Variants in DNAJC6 observed in about 807,000 individuals in gnomAD.
DNAJC6 encodes the protein DnaJ heat shock protein family (Hsp40) member C6, also known as auxilin.
DNAJC6 carries 34 observed loss-of-function variants against 110.0 expected under a neutral mutation model. The ratio of observed to expected loss-of-function variants is 0.31; its 90% confidence interval spans 0.24 to 0.41. The LOEUF is 0.41. Among genes scored for constraint, DNAJC6 ranks in the 10% least tolerant of loss-of-function variants. DNAJC6 has a pLI of 1.00. For missense variants in DNAJC6, 1,031 were observed against 1,207.8 expected, an observed-to-expected ratio of 0.85 and a Z score of 2.17; for synonymous variants, 406 against 437.2, an observed-to-expected ratio of 0.93 and a Z score of 0.89.
chr1:65,406,903 A>C lies in DNAJC6; in HGVS notation c.2491+770A>C, dbSNP rs1231883364. ...GCCTTTCTCTCTATGGAACATGGAA[A>C]GGCAATTCTTATGCTCTTCCTAATA... is the stretch of plus-strand genomic sequence containing the variant. On this transcript the variant is annotated intron_variant, in intron 16 of 18. Coordinates refer to ENST00000371069, the MANE Select transcript of DNAJC6 (RefSeq NM_001256864.2). Among the ~76,000 whole-genome samples, 4 of 152,194 alleles carry C rather than the reference A, an allele frequency of 2.6e-5. No homozygotes were observed. In the East Asian group the frequency reaches 7.7e-4, roughly 29 times the overall value.
At chr1:65,317,177 A>G (rs1394018307) in intron 1 of DNAJC6, among the ~76,000 whole-genome samples, 1 of 152,256 alleles carries the variant, frequency 6.6e-6, no homozygotes, top group African/African-American at 2.4e-5. Context: ...TCCTTTTGGA[A>G]AAAAGCTATG....
intron 1 of DNAJC6, among the ~76,000 whole-genome samples, chr1:65,358,159 A>T (rs1645561955): frequency 7.4e-6 from 1 of 135,688 alleles, no homozygotes; most frequent in Non-Finnish European, 1.5e-5. Context: ...GGCCTGGGCG[A>T]TAGAGCGAGA....
At chr1:65,302,254 A>C (rs1557508232) in intron 1 of DNAJC6, among the ~76,000 whole-genome samples, 2 of 21,226 alleles carry the variant, frequency 9.4e-5, no homozygotes, top group African/African-American at 5.0e-4. Context: ...TTAATATATA[A>C]TATTATATAT....
At chr1:65,389,750 C>T (rs1472361572) in intron 11 of DNAJC6, 123 bp downstream of exon 11, 5 of 1,028,478 alleles carry the variant, frequency 4.9e-6, no homozygotes, top group South Asian at 3.0e-5. Context: ...TCCAGGCACA[C>T]GGACTCCCAC....
At chr1:65,297,080 C>A in intron 1 of DNAJC6, among the ~76,000 whole-genome samples, 1 of 152,150 alleles carries the variant, frequency 6.6e-6, no homozygotes, top group East Asian at 1.9e-4. Flanking sequence ...AAAATGATAT[C>A]AAACGTGGTT....
chr1:65,389,515 C>T, intron 10 of DNAJC6, 32 bp from the exon 11 acceptor site: 1 of 1,613,832 alleles, frequency 6.2e-7, no homozygotes, highest in Non-Finnish European at 8.5e-7. Context: ...TCCTGTGTCT[C>T]ATTGATGCTA....
intron 5 of DNAJC6, among the ~76,000 whole-genome samples, chr1:65,381,024 T>G (rs1243867903): frequency 6.7e-6 from 1 of 148,452 alleles, no homozygotes; most frequent in Non-Finnish European, 1.5e-5. Flanking sequence ...GTTCGAGTGA[T>G]TCTCCTGCCT....
chr1:65,309,613 T>C lies in DNAJC6; in HGVS notation c.-133T>C. On this transcript the variant is annotated 5_prime_UTR_variant, in exon 1 of 19. Coordinates refer to ENST00000371069, the MANE Select transcript of DNAJC6 (RefSeq NM_001256864.2). ...GCTTCTCTCCGGTGGCCGCTCCTTC[T>C]TTTCCCTCCTCTTTGCGTCATGTCG... 7.6e-7 allele frequency: 1 copy of C among 1,319,960 alleles called. No homozygotes were observed. Among genetic ancestry groups the C allele is most frequent in the Non-Finnish European group, 9.6e-7 (1 of 1,037,340 alleles). 81.8% of individuals were successfully genotyped at this position (1,319,960 alleles called of 1,614,324 possible).
At chr1:65,310,710 T>A (rs1645091455) in intron 1 of DNAJC6, among the ~76,000 whole-genome samples, 1 of 152,240 alleles carries the variant, frequency 6.6e-6, no homozygotes, top group African/African-American at 2.4e-5. Context: ...CTCTTGGAAC[T>A]GCTGTTGGCA....
Position 65,332,008 on chromosome 1 carries a change from C to A in DNAJC6, c.193+22070C>A, listed in dbSNP as rs546202044. ...GGGGGGGCCTGGACTTCTATTTCCT[C>A]ATGTCCTGGAGTCTCTCAGCATGTC... On this transcript the variant is annotated intron_variant, in intron 1 of 18. Transcript: ENST00000371069. Among the ~76,000 whole-genome samples the A allele has an allele frequency of 1.5e-3, 235 of 152,290 alleles. 2 individuals carry two copies. The highest frequency in any genetic ancestry group is 5.5e-3 in the African/African-American group (230 of 41,564).
At chr1:65,289,060 A>G (rs930465785) in intron 1 of DNAJC6, among the ~76,000 whole-genome samples, 1 of 152,190 alleles carries the variant, frequency 6.6e-6, no homozygotes, top group African/African-American at 2.4e-5. Flanking sequence ...GTCACATGGT[A>G]TGTGCATATT....
At chr1:65,294,582 A>G (rs1275265768) in intron 1 of DNAJC6, among the ~76,000 whole-genome samples, 2 of 152,222 alleles carry the variant, frequency 1.3e-5, no homozygotes, top group Non-Finnish European at 2.9e-5. Flanking sequence ...GGCTAGTCCA[A>G]TTGAGATGTG....
At chr1:65,277,665 A>C (rs1475918271) in intron 1 of DNAJC6, among the ~76,000 whole-genome samples, 3 of 150,862 alleles carry the variant, frequency 2.0e-5, no homozygotes, top group Non-Finnish European at 3.0e-5. Flanking sequence ...GGAGGGGGTG[A>C]GCCAGTGGGG....
At chr1:65,350,521 G>C (rs1488011183) in intron 1 of DNAJC6, among the ~76,000 whole-genome samples, 1 of 152,010 alleles carries the variant, frequency 6.6e-6, no homozygotes, top group Admixed American at 6.6e-5. Flanking sequence ...TATATCTGTA[G>C]TTTTATTGTA....
intron 8 of DNAJC6, among the ~76,000 whole-genome samples, chr1:65,387,916 T>C (rs1645887806): frequency 6.6e-6 from 1 of 152,196 alleles, no homozygotes; most frequent in Non-Finnish European, 1.5e-5. Context: ...CAAATATGCA[T>C]GATACCATAT....
At chr1:65,302,786 C>T (rs1298178748) in intron 1 of DNAJC6, among the ~76,000 whole-genome samples, 8 of 151,940 alleles carry the variant, frequency 5.3e-5, no homozygotes, top group East Asian at 1.9e-4. Context: ...CCACCCGCCT[C>T]GGCCTCCCAA....
At chr1:65,329,116 G>A (rs1351058040) in intron 1 of DNAJC6, among the ~76,000 whole-genome samples, 2 of 152,132 alleles carry the variant, frequency 1.3e-5, no homozygotes, top group South Asian at 2.1e-4. Context: ...TGCAATGGCC[G>A]CTTCTCCTTC....
intron 1 of DNAJC6, among the ~76,000 whole-genome samples, chr1:65,297,199 G>C (rs912313792): frequency 5.3e-5 from 8 of 152,170 alleles, no homozygotes; most frequent in Non-Finnish European, 1.2e-4. Context: ...TCTGGACTTA[G>C]AAAGAGGTTG....
intron 1 of DNAJC6, among the ~76,000 whole-genome samples, chr1:65,346,175 T>C (rs1198326885): frequency 6.6e-6 from 1 of 152,212 alleles, no homozygotes; most frequent in Non-Finnish European, 1.5e-5. Flanking sequence ...CATGGCTTAC[T>C]AGAGACTACC....
Sources: gnomAD v4.1 joint callset for allele counts (sites outside exome capture counted in the v4.1 genomes callset) on GRCh38, gnomAD v4.1.1 for gene constraint, MANE v1.5 for transcripts, NCBI Gene and HGNC (gene_info 2026-07-23, HGNC 2026-07-21) for gene names.